ATAD5: variants seen among roughly 807,000 people sequenced by gnomAD.
ATAD5 encodes ATPase family AAA domain-containing protein 5.
In ATAD5, 58 loss-of-function variants were observed where a neutral mutation model predicts 176.9. That is an observed-to-expected ratio of 0.33 (90% confidence interval 0.27 to 0.41). ATAD5 has a LOEUF of 0.41. Ranked by LOEUF, ATAD5 falls within the 10% of genes least tolerant of loss-of-function variation. The pLI is 1.00. For missense variants in ATAD5, 1,789 were observed against 2,094.1 expected, an observed-to-expected ratio of 0.85 and a Z score of 2.84; for synonymous variants, 640 against 712.6, an observed-to-expected ratio of 0.90 and a Z score of 1.62.
intron 10 of ATAD5, among the ~76,000 whole-genome samples, chr17:30,863,674 T>TA: frequency 6.8e-6 from 1 of 147,964 alleles, no homozygotes; most frequent in South Asian, 2.2e-4. Context: ...CTTTTTTTTT[T>TA]TTTTTTTTGA....
intron 18 of ATAD5, among the ~76,000 whole-genome samples, chr17:30,884,999 T>G (rs936888915): frequency 6.6e-6 from 1 of 151,462 alleles, no homozygotes; most frequent in Non-Finnish European, 1.5e-5. Context: ...CACCCGCCTT[T>G]GCCTCCCAGA....
chr17:30,878,801 G>A (rs1216336764), intron 17 of ATAD5, among the ~76,000 whole-genome samples: 1 of 123,654 alleles, frequency 8.1e-6, no homozygotes, highest in Non-Finnish European at 1.6e-5. Flanking sequence ...GTACCATCTT[G>A]GCTCACTGCA....
Position 30,877,417 on chromosome 17 carries a change from A to G in ATAD5, c.3786A>G (p.Gly1262=), listed in dbSNP as rs1714663461. The stretch of plus-strand genomic sequence containing the variant: ...AATATTAATATTGTATTTATGCAGG[A>G]ATAAAAAATTCTTTTGAACAGAAAC... The part of the protein sequence containing the change: ...EIGMLLENNK[G]IKNSFEQKQI... The change falls in exon 16 of 23, where the codon GGA becomes GGG. Residue 1262 remains glycine (G), a splice_region_variant and synonymous_variant. Coordinates refer to ENST00000321990, the MANE Select transcript of ATAD5 (RefSeq NM_024857.5). 6.8e-7 allele frequency: 1 copy of G among 1,478,930 alleles called. No homozygotes were observed. The highest frequency in any genetic ancestry group is 1.4e-5 in the African/African-American group (1 of 70,626). 91.6% of individuals were successfully genotyped at this position (1,478,930 alleles called of 1,614,324 possible). A position where few individuals can be genotyped will look rare whatever the true frequency, so the allele number is the denominator to read the frequency against.
intron 14 of ATAD5, 129 bp downstream of exon 14, chr17:30,869,775 G>C: frequency 1.0e-6 from 1 of 980,832 alleles, no homozygotes; most frequent in Non-Finnish European, 1.5e-6. Context: ...GCCCACCCCT[G>C]CCAGATTATT....
At chr17:30,880,269 C>G (rs1908935502) in intron 18 of ATAD5, among the ~76,000 whole-genome samples, 1 of 151,760 alleles carries the variant, frequency 6.6e-6, no homozygotes, top group Non-Finnish European at 1.5e-5. Context: ...GTGATTGTAC[C>G]ACTGCATTCC....
At chr17:30,860,913 T>C (rs1387821425) in intron 10 of ATAD5, among the ~76,000 whole-genome samples, 4 of 151,034 alleles carry the variant, frequency 2.6e-5, no homozygotes, top group Admixed American at 2.6e-4. Context: ...CCAGATAATT[T>C]TTTTTTTTTT....
chr17:30,869,192 G>A, intron 12 of ATAD5, 56 bp from the exon 13 acceptor site: 3 of 1,546,592 alleles, frequency 1.9e-6, no homozygotes, highest in South Asian at 1.2e-5. Flanking sequence ...GGTTTCATAA[G>A]GTAGAATTGC....
chr17:30,851,495 CAAA>C (rs533451681), intron 6 of ATAD5, among the ~76,000 whole-genome samples: 4 of 105,356 alleles, frequency 3.8e-5, no homozygotes, highest in African/African-American at 3.5e-5. Context: ...GACTCTGTCT[CAAA>C]AAAAAAAAAA....
intron 11 of ATAD5, among the ~76,000 whole-genome samples, chr17:30,866,920 CT>C (rs1269443119): frequency 3.9e-5 from 6 of 152,116 alleles, no homozygotes; most frequent in South Asian, 4.1e-4. Flanking sequence ...ACCAAATAAC[CT>C]TTTAAGTATC....
In ATAD5 at chr17:30,835,161, T is replaced by G; in HGVS notation, c.1080T>G (p.Asn360Lys). 1 of 1,614,042 alleles carries G rather than the reference T, an allele frequency of 6.2e-7. No individual in the cohort carries two copies. Residue 360 changes from asparagine (N) to lysine (K), a missense_variant, in exon 2 of 23, where the codon AAT (asparagine) becomes AAG (lysine). Physicochemically the swap from Asn to Lys is moderately conservative, Grantham distance 94. Around this residue, in one of 6 missense-constraint regions of ATAD5, gnomAD observed 696 missense variants for 712.5 expected, o/e 0.98. Transcript: ENST00000321990. ...AAAATAGTTTATCTGATCCTGAGAA[T>G]GAACAGACAGTTCAGAAAAGAAAAT... is the stretch of plus-strand genomic sequence containing the variant. ...EMENSLSDPENEQTVQKRKSN... is the reference protein window; with the variant it reads ...EMENSLSDPEKEQTVQKRKSN...
intron 19 of ATAD5, among the ~76,000 whole-genome samples, chr17:30,891,049 A>G (rs1338562099): frequency 6.6e-6 from 1 of 152,226 alleles, no homozygotes; most frequent in Non-Finnish European, 1.5e-5. Flanking sequence ...ATTAAAATAC[A>G]GTGAATATCT....
intron 21 of ATAD5, 104 bp from the exon 22 acceptor site, chr17:30,894,460 T>C (rs981264825): frequency 4.6e-6 from 5 of 1,087,696 alleles, no homozygotes; most frequent in African/African-American, 3.2e-5. Flanking sequence ...TCTGGAAATG[T>C]CATCTGGTCT....
chr17:30,840,519 G>T, intron 3 of ATAD5, 98 bp from the exon 4 acceptor site: 1 of 889,866 alleles, frequency 1.1e-6, no homozygotes, highest in Non-Finnish European at 1.6e-6. Context: ...CCATTTCTTT[G>T]TTGATTATTT....
chr17:30,838,092 A>G (rs1202660988), intron 3 of ATAD5, among the ~76,000 whole-genome samples: 1 of 152,214 alleles, frequency 6.6e-6, no homozygotes, highest in Non-Finnish European at 1.5e-5. Context: ...ACTCCTGTAT[A>G]ATGACAACCA....
In ATAD5 at chr17:30,893,597, G is replaced by C. The variant is rs775026621; in HGVS notation, c.4744G>C (p.Asp1582His). ...AGATGATAGTGATCTATTTGACACTGACTTGGACTTTCCTGATCAATCTAT... is the reference window on the plus strand; with the variant it reads ...AGATGATAGTGATCTATTTGACACTCACTTGGACTTTCCTGATCAATCTAT... ...ILDDSDLFDT[D>H]LDFPDQSISL... The change falls in exon 21 of 23, where the codon GAC (aspartate) becomes CAC (histidine). Residue 1582 changes from aspartate (D) to histidine (H), a missense_variant. Asp to His is a moderately conservative substitution (Grantham distance 81). Coordinates refer to ENST00000321990, the MANE Select transcript of ATAD5 (RefSeq NM_024857.5). 35 of 1,613,770 alleles carry C rather than the reference G, an allele frequency of 2.2e-5. No homozygotes were observed. In the East Asian group the frequency reaches 2.5e-4, roughly 11 times the overall value.
At chr17:30,878,324 C>A (rs868541699) in intron 17 of ATAD5, among the ~76,000 whole-genome samples, 1 of 152,068 alleles carries the variant, frequency 6.6e-6, no homozygotes, top group African/African-American at 2.4e-5. Flanking sequence ...CTAGATTCTT[C>A]TCCTGGTGTC....
intron 19 of ATAD5, among the ~76,000 whole-genome samples, chr17:30,890,723 G>A (rs1369917239): frequency 6.6e-6 from 1 of 151,214 alleles, no homozygotes; most frequent in Non-Finnish European, 1.5e-5. Context: ...ACTTGGCTGG[G>A]GCCAGTTTCT....
chr17:30,853,381 C>G, intron 6 of ATAD5, among the ~76,000 whole-genome samples: 1 of 151,698 alleles, frequency 6.6e-6, no homozygotes, highest in Non-Finnish European at 1.5e-5. Flanking sequence ...TTGTACCCCT[C>G]TCCTTAACAC....
chr17:30,873,673 TTAAAA>T (rs1208847235), intron 14 of ATAD5, among the ~76,000 whole-genome samples: 2 of 149,844 alleles, frequency 1.3e-5, no homozygotes, highest in Non-Finnish European at 2.9e-5. Flanking sequence ...ACAGAGTATC[TTAAAA>T]TAAAAATTGC....
Sources: gnomAD v4.1 joint callset for allele counts (sites outside exome capture counted in the v4.1 genomes callset) on GRCh38, gnomAD v4.1.1 for gene constraint, gnomAD v4.1.1 regional missense constraint, MANE v1.5 for transcripts, NCBI Gene and HGNC (gene_info 2026-07-23, HGNC 2026-07-21) for gene names.